The following NID1 variants were observed in gnomAD, a reference collection of about 807,000 sequenced individuals.
NID1 encodes the protein nidogen-1.
In NID1, 76 loss-of-function variants were observed where a neutral mutation model predicts 130.6. The ratio of observed to expected loss-of-function variants is 0.58; its 90% CI spans 0.48 to 0.70. The LOEUF is 0.70. Among genes scored for constraint, NID1 ranks in the 30% least tolerant of loss-of-function variants. The pLI, the probability that NID1 is intolerant of heterozygous loss-of-function variation, is 0.00. For missense variants in NID1, 1,517 were observed against 1,664.8 expected (o/e 0.91, Z 1.54); for synonymous variants, 665 against 675.1 (o/e 0.98, Z 0.23).
intron 3 of NID1, among the ~76,000 whole-genome samples, chr1:236,044,847 A>G (rs72765452): frequency 1.3e-5 from 2 of 151,446 alleles, no homozygotes; most frequent in African/African-American, 4.9e-5. Context: ...CCTTGAGATC[A>G]AAGGAGATAG....
chr1:236,007,087 G>A (rs1296385736), intron 12 of NID1, among the ~76,000 whole-genome samples: 2 of 152,140 alleles, frequency 1.3e-5, no homozygotes, highest in African/African-American at 4.8e-5. Context: ...GCAGGGGCAC[G>A]ATCATAGCTC....
At chr1:235,994,759 T>C (rs1158279066) in intron 12 of NID1, among the ~76,000 whole-genome samples, 1 of 151,100 alleles carries the variant, frequency 6.6e-6, no homozygotes, top group Non-Finnish European at 1.5e-5. Context: ...TGCAGTGGCA[T>C]GATCTCGACT....
rs768056023 is a variant in NID1 at position 235,993,754 on chromosome 1, C to G, written c.2646G>C (p.Gly882=). The change falls in exon 13 of 20, where the codon GGG becomes GGC. Residue 882 remains glycine (G), a synonymous_variant. Coordinates refer to ENST00000264187, the MANE Select transcript of NID1 (RefSeq NM_002508.3). ...GLFVPECDAH[G]HYAPTQCHGS... ...CGTGGCACTGGGTGGGCGCGTAGTG[C>G]CCGTGCGCATCGCACTCAGGAACGA... 1.8e-5 allele frequency: 29 copies of G among 1,613,636 alleles called. No individual in the cohort carries two copies. Among genetic ancestry groups the G allele is most frequent in the Non-Finnish European group, 2.4e-5 (28 of 1,179,874 alleles).
intron 15 of NID1, 109 bp downstream of exon 15, chr1:235,985,270 G>T: frequency 1.7e-6 from 2 of 1,153,450 alleles, no homozygotes; most frequent in Non-Finnish European, 2.6e-6. Context: ...AAAAGACTGA[G>T]AAATGTTTGT....
rs1265326461 is a variant in NID1, at chr1:236,013,542, G to C, written c.2273C>G (p.Pro758Arg). The change falls in exon 11 of 20, where the codon CCC becomes CGC. Residue 758 changes from proline (P) to arginine (R), a missense_variant. By Grantham distance (103) the Pro-to-Arg change is moderately radical. Coordinates refer to ENST00000264187, the MANE Select transcript of NID1 (RefSeq NM_002508.3). ...AAGGCCAGTTTCACAGTAGTTGATG[G>C]GGCGCTGGTCCACGACAGCTTCAGA... The part of the protein sequence containing the change: ...GTCVAVVDQR[P>R]INYCETGLHN... 1 of 1,614,130 alleles carries C rather than the reference G, an allele frequency of 6.2e-7. No homozygotes were observed. Among genetic ancestry groups the C allele is most frequent in the African/African-American group, 1.3e-5 (1 of 75,028 alleles).
intron 12 of NID1, among the ~76,000 whole-genome samples, chr1:236,011,296 CTTTTTTTTTCT>C (rs1658402203): frequency 7.4e-6 from 1 of 135,948 alleles, no homozygotes; most frequent in African/African-American, 2.7e-5. Context: ...CAAATATATT[CTTTTTTTTTCT>C]TTTTTTTTTT....
At chr1:236,011,161 A>C (rs746481705) in intron 12 of NID1, among the ~76,000 whole-genome samples, 31 of 152,228 alleles carry the variant, frequency 2.0e-4, no homozygotes, top group Non-Finnish European at 3.5e-4. Context: ...TTAAAAAGCG[A>C]TGGGATGAAA....
At position 235,976,733 on chromosome 1, in the gene NID1, C is replaced by T. The variant is rs1279468720; in HGVS notation, c.*1134G>A. ...ATCATTGAGCAATAAAGGATATGAA[C>T]CATTAGTATAAATATTCAATTCAGT... On this transcript the variant is annotated 3_prime_UTR_variant, in exon 20 of 20. Coordinates refer to ENST00000264187, the MANE Select transcript of NID1 (RefSeq NM_002508.3). 6.6e-6 allele frequency: 1 copy of T among 152,068 alleles called. No homozygotes were observed. Among genetic ancestry groups the T allele is most frequent in the Non-Finnish European group, 1.5e-5 (1 of 68,028 alleles). 9.4% of individuals were successfully genotyped at this position (152,068 alleles called of 1,614,324 possible).
chr1:236,018,765 C>A (rs142511560), intron 9 of NID1, among the ~76,000 whole-genome samples: 9 of 152,328 alleles, frequency 5.9e-5, no homozygotes, highest in African/African-American at 2.2e-4. Flanking sequence ...ATGTTTTAGA[C>A]CTAAAACAAA....
chr1:235,998,463 TC>T (rs1486212743), intron 12 of NID1, among the ~76,000 whole-genome samples: 1 of 152,018 alleles, frequency 6.6e-6, no homozygotes, highest in Non-Finnish European at 1.5e-5. Context: ...TCACCTGAGG[TC>T]AGGAGTTTGA....
At chr1:236,004,389 C>A (rs1658182171) in intron 12 of NID1, among the ~76,000 whole-genome samples, 1 of 152,138 alleles carries the variant, frequency 6.6e-6, no homozygotes, top group African/African-American at 2.4e-5. Flanking sequence ...AGGAAAGCCC[C>A]AGCGCTAACA....
At chr1:236,059,194 C>T (rs550290726) in intron 1 of NID1, among the ~76,000 whole-genome samples, 1 of 152,124 alleles carries the variant, frequency 6.6e-6, no homozygotes, top group Admixed American at 6.5e-5. Flanking sequence ...CACTTGGCTG[C>T]CTAGTTTAGA....
intron 1 of NID1, among the ~76,000 whole-genome samples, chr1:236,058,844 C>T (rs1659968062): frequency 6.6e-6 from 1 of 152,114 alleles, no homozygotes; most frequent in South Asian, 2.1e-4. Flanking sequence ...GGTCCTTTTA[C>T]AAATACAAAT....
chr1:235,998,897 A>C (rs1658001700), intron 12 of NID1, among the ~76,000 whole-genome samples: 1 of 152,126 alleles, frequency 6.6e-6, no homozygotes. Context: ...TTCAGGCCAC[A>C]GCACTGGTTG....
chr1:236,008,422 C>G (rs1658311613), intron 12 of NID1, among the ~76,000 whole-genome samples: 1 of 152,196 alleles, frequency 6.6e-6, no homozygotes, highest in South Asian at 2.1e-4. Context: ...GATCCCTGTC[C>G]TTTACTATGA....
chr1:235,998,861 C>A (rs1351199770), intron 12 of NID1, among the ~76,000 whole-genome samples: 1 of 152,148 alleles, frequency 6.6e-6, no homozygotes, highest in Non-Finnish European at 1.5e-5. Flanking sequence ...AATGAGAAAA[C>A]TGAAACTCAG....
rs1197788876 is a variant in NID1 at position 236,039,797 on chromosome 1, G to A, written c.1136-1544C>T. On this transcript the variant is annotated intron_variant, in intron 4 of 19. Coordinates refer to ENST00000264187, the MANE Select transcript of NID1 (RefSeq NM_002508.3). ...TGGCTTTATAAAGACAGCGTTTGGA[G>A]CCGAGCACACTTGAGCCCTGAACTG... Among the ~76,000 whole-genome samples the A allele has an allele frequency of 2.0e-5, 3 of 152,158 alleles. No homozygotes were observed. In the East Asian group the frequency reaches 5.8e-4, roughly 29 times the overall value.
At chr1:236,033,959 A>T (rs10927308) in intron 5 of NID1, among the ~76,000 whole-genome samples, 32,023 of 152,168 alleles carry the variant, frequency 0.21, 3,664 homozygotes, top group Non-Finnish European at 0.26. Context: ...ATTCCTAGGT[A>T]TACAGCCAAG....
At position 236,045,781 on chromosome 1, in the gene NID1, G is replaced by A. The variant is rs3768089; in HGVS notation, c.526-98C>T. ...TATCTATAAAGCGTACAGTGCTATAGAGCGATGGCAATATTCTCACCTTAT... is the reference window on the plus strand; with the variant it reads ...TATCTATAAAGCGTACAGTGCTATAAAGCGATGGCAATATTCTCACCTTAT... On this transcript the variant is annotated intron_variant, in intron 2 of 19. Transcript: ENST00000264187. 0.46 allele frequency: 418,467 copies of A among 917,964 alleles called. 97,313 individuals are homozygous for A. Among genetic ancestry groups the A allele is most frequent in the East Asian group, 0.68 (25,582 of 37,826 alleles). The allele number at this position is 917,964 out of a possible 1,614,324, so 56.9% of individuals were successfully genotyped here.
Sources: gnomAD v4.1 joint callset for allele counts (sites outside exome capture counted in the v4.1 genomes callset) on GRCh38, gnomAD v4.1.1 for gene constraint, MANE v1.5 for transcripts, NCBI Gene and HGNC (gene_info 2026-07-23, HGNC 2026-07-21) for gene names.